ZKSCAN7: variants seen among roughly 807,000 people sequenced by gnomAD.
ZKSCAN7 encodes the protein zinc finger with KRAB and SCAN domains 7, also known as zinc finger protein with KRAB and SCAN domains 7.
Under a neutral mutation model 65.3 loss-of-function variants are expected in ZKSCAN7, and 38 were observed. The observed-to-expected ratio is 0.58, with a 90% CI of 0.45 to 0.76. The LOEUF is 0.76. ZKSCAN7 is among the 30% of genes least tolerant of loss of function. The pLI, the probability that ZKSCAN7 is intolerant of heterozygous loss-of-function variation, is 0.00. For missense variants in ZKSCAN7, 815 were observed against 913.3 expected (o/e 0.89, Z 1.39); for synonymous variants, 321 against 321.0 (o/e 1.00, Z 0.00).
At chr3:44,558,901 C>A (rs1369391950) in intron 2 of ZKSCAN7, among the ~76,000 whole-genome samples, 1 of 151,378 alleles carries the variant, frequency 6.6e-6, no homozygotes, top group Non-Finnish European at 1.5e-5. Flanking sequence ...ACCTTAGCCT[C>A]CTGAGTAGCT....
intron 2 of ZKSCAN7, 94 bp from the exon 3 acceptor site, chr3:44,565,393 C>T: frequency 3.8e-6 from 5 of 1,308,618 alleles, no homozygotes; most frequent in Non-Finnish European, 5.1e-6. Flanking sequence ...CTTCTTTTCC[C>T]TGGCTTTCTT....
rs188608654 is a variant in ZKSCAN7 at position 44,565,022 on chromosome 3, C to T, written c.424-465C>T. ...TTCGCCATGTTGGCTAGGCTGGTCT[C>T]GAACTCCTGACCTCAGGTGATCCAA... On this transcript the variant is annotated intron_variant, in intron 2 of 5. Transcript: ENST00000426540. Among the ~76,000 whole-genome samples the T allele has an allele frequency of 4.8e-3, 738 of 152,222 alleles. 9 individuals carry two copies. The highest frequency in any genetic ancestry group is 8.6e-3 in the Non-Finnish European group (585 of 68,024).
At chr3:44,566,678 C>T (rs1699640350) in intron 3 of ZKSCAN7, among the ~76,000 whole-genome samples, 1 of 151,976 alleles carries the variant, frequency 6.6e-6, no homozygotes. Context: ...CACTCTGTCA[C>T]CCAGGCTGGA....
chr3:44,577,938 C>G (rs966879855), intron 5 of ZKSCAN7, among the ~76,000 whole-genome samples: 1 of 152,204 alleles, frequency 6.6e-6, no homozygotes, highest in Non-Finnish European at 1.5e-5. Context: ...CTTCAAGTCC[C>G]TGGATTCAAA....
At chr3:44,561,641 A>G (rs1285697800) in intron 2 of ZKSCAN7, among the ~76,000 whole-genome samples, 3 of 152,218 alleles carry the variant, frequency 2.0e-5, no homozygotes, top group Non-Finnish European at 2.9e-5. Flanking sequence ...CAATGGGGAT[A>G]TAGGCATTGG....
chr3:44,578,088 AC>A lies in ZKSCAN7; in HGVS notation c.812-4882del. 4 of 1,579,878 alleles carry A rather than the reference AC, an allele frequency of 2.5e-6. No homozygotes were observed. In the East Asian group the frequency reaches 9.0e-5, roughly 35 times the overall value. ...AGATTTCATTATATCATATCCGGAC[AC>A]CATGGCACTGTCAGGGGACTTTTCC... On this transcript the variant is annotated intron_variant, in intron 5 of 5. Coordinates refer to the ZKSCAN7 transcript ENST00000341840.
intron 5 of ZKSCAN7, among the ~76,000 whole-genome samples, chr3:44,581,367 C>T (rs1350536913): frequency 1.3e-5 from 2 of 151,416 alleles, no homozygotes; most frequent in African/African-American, 4.9e-5. Context: ...CTCAGCGCCC[C>T]GCGGCCGCTG....
In ZKSCAN7 at chr3:44,569,087, T is replaced by G. The variant is rs535801208; in HGVS notation, c.811+654T>G. On this transcript the variant is annotated intron_variant, in intron 5 of 5. Coordinates refer to ENST00000426540, the MANE Select transcript of ZKSCAN7 (RefSeq NM_001288590.2). ...CTCCAGTTCCAAATTTCCTCAGAGA[T>G]GGACTTTCATTGCTATAGCCATTAC... Among the ~76,000 whole-genome samples, 10 of 152,368 alleles carry G rather than the reference T, an allele frequency of 6.6e-5. 1 individual carries two copies. In the South Asian group the frequency reaches 1.0e-3, roughly 16 times the overall value.
At chr3:44,578,661 G>A (rs746237309) in intron 5 of ZKSCAN7, among the ~76,000 whole-genome samples, 5 of 152,136 alleles carry the variant, frequency 3.3e-5, no homozygotes, top group African/African-American at 4.8e-5. Flanking sequence ...ATCTGGGACC[G>A]CTGGCTCTTC....
chr3:44,583,234 T>C (rs1355887500), exon 6 of ZKSCAN7: 1 of 216,112 alleles, frequency 4.6e-6, no homozygotes, highest in Non-Finnish European at 9.3e-6. Context: ...AGCCTATTCT[T>C]TTTAAGTTTC....
rs1174448678 is a variant in ZKSCAN7, at chr3:44,557,380, G to A, written c.333G>A (p.Arg111=). The A allele has an allele frequency of 1.2e-6, 2 of 1,614,268 alleles. No individual in the cohort carries two copies. The highest frequency in any genetic ancestry group is 1.7e-5 in the Admixed American group (1 of 60,032). Residue 111 remains arginine, a synonymous_variant, in exon 2 of 6, where the codon CGG becomes CGA. Coordinates refer to ENST00000426540, the MANE Select transcript of ZKSCAN7 (RefSeq NM_001288590.2). ...QFLSILPGEL[R]TWVQLHHPES... The stretch of plus-strand genomic sequence containing the variant: ...TGAGCATCCTCCCTGGGGAGCTCCG[G>A]ACCTGGGTGCAGCTGCATCACCCTG...
intron 1 of ZKSCAN7, among the ~76,000 whole-genome samples, chr3:44,555,853 G>A (rs1434786296): frequency 6.6e-6 from 1 of 152,228 alleles, no homozygotes; most frequent in African/African-American, 2.4e-5. Flanking sequence ...ATTTTAAAAC[G>A]TTCAAAGTTT....
intron 2 of ZKSCAN7, 183 bp downstream of exon 2, chr3:44,557,653 C>A: frequency 1.3e-6 from 1 of 764,784 alleles, no homozygotes; most frequent in African/African-American, 1.8e-5. Context: ...CACATCCCAG[C>A]TAAGCTCTGT....
intron 2 of ZKSCAN7, among the ~76,000 whole-genome samples, chr3:44,562,189 C>G (rs947011038): frequency 6.6e-6 from 1 of 152,214 alleles, no homozygotes; most frequent in African/African-American, 2.4e-5. Context: ...CCTGCAGGCC[C>G]AACAACATGT....
At position 44,571,670 on chromosome 3, in the gene ZKSCAN7, T is replaced by C; in HGVS notation, c.*295T>C. On this transcript the variant is annotated 3_prime_UTR_variant, in exon 6 of 6. Coordinates refer to ENST00000426540, the MANE Select transcript of ZKSCAN7 (RefSeq NM_001288590.2). ...TTAGTTATGCATCTCATAATCAGAC[T>C]CCATGCTTTTTAAAGACAGAGATAA... 1 of 1,223,376 alleles carries C rather than the reference T, an allele frequency of 8.2e-7. No homozygotes were observed. The highest frequency in any genetic ancestry group is 1.0e-6 in the Non-Finnish European group (1 of 976,526). 75.8% of individuals were successfully genotyped at this position (1,223,376 alleles called of 1,614,324 possible). A position where few individuals can be genotyped will look rare whatever the true frequency, so the allele number is the denominator to read the frequency against.
rs1468492220 is a variant in ZKSCAN7, at chr3:44,557,154, G to T, written c.107G>T (p.Trp36Leu). Reference sequence around the variant, plus strand: ...AAGCAGGAGCCAGCAAACCAGACCTGGGGGCAGGGCAGCAGTCTCCAGAAG... The same window carrying T: ...AAGCAGGAGCCAGCAAACCAGACCTTGGGGCAGGGCAGCAGTCTCCAGAAG... ...TVKQEPANQTWGQGSSLQKNY... is the reference protein window; with the variant it reads ...TVKQEPANQTLGQGSSLQKNY... Residue 36 changes from tryptophan to leucine, a missense_variant, in exon 2 of 6, where the codon TGG (tryptophan) becomes TTG (leucine). By Grantham distance (61) the Trp-to-Leu change is moderately conservative (BLOSUM62 -2). Transcript: ENST00000426540. 6.2e-7 allele frequency: 1 copy of T among 1,614,272 alleles called. No individual in the cohort carries two copies. Among genetic ancestry groups the T allele is most frequent in the South Asian group, 1.1e-5 (1 of 91,086 alleles).
Position 44,565,577 on chromosome 3 carries a change from A to G in ZKSCAN7, c.514A>G (p.Ser172Gly). The G allele has an allele frequency of 6.2e-7, 1 of 1,613,024 alleles. No individual in the cohort carries two copies. The highest frequency in any genetic ancestry group is 8.5e-7 in the Non-Finnish European group (1 of 1,179,636). ...GGAATCTCCTCCTACCTCACCCCTC[A>G]GTGGGGGCTCAGCCCCTGGAGCCCA... ...TKESPPTSPL[S>G]GGSAPGAHLE... Residue 172 changes from serine to glycine, a missense_variant, in exon 3 of 6, where the codon AGT (serine) becomes GGT (glycine). By Grantham distance (56) the Ser-to-Gly change is moderately conservative. Coordinates refer to ENST00000426540, the MANE Select transcript of ZKSCAN7 (RefSeq NM_001288590.2).
At chr3:44,579,288 G>A (rs1463637114) in intron 5 of ZKSCAN7, among the ~76,000 whole-genome samples, 8 of 152,214 alleles carry the variant, frequency 5.3e-5, no homozygotes, top group Non-Finnish European at 1.0e-4. Flanking sequence ...GCACGCTCCC[G>A]CTCCAGCTCC....
In ZKSCAN7 at chr3:44,556,918, T is replaced by C. The variant is rs546430204; in HGVS notation, c.-118-12T>C. 1 of 1,224,368 alleles carries C rather than the reference T, an allele frequency of 8.2e-7. No individual in the cohort carries two copies. Among genetic ancestry groups the C allele is most frequent in the Non-Finnish European group, 1.2e-6 (1 of 852,854 alleles). The allele number at this position is 1,224,368 out of a possible 1,614,324, so 75.8% of individuals were successfully genotyped here. On this transcript the variant is annotated splice_polypyrimidine_tract_variant and intron_variant, in intron 1 of 5. Transcript: ENST00000426540. ...TACTCCAAGAACTCTGATTTCACTC[T>C]TGTTTCTGTAGGCCACACTACCATC...
Sources: allele counts gnomAD v4.1 joint callset (sites outside exome capture counted in the v4.1 genomes callset), GRCh38; gene constraint gnomAD v4.1.1; transcripts MANE v1.5; gene names NCBI Gene and HGNC (gene_info 2026-07-23, HGNC 2026-07-21).